The following PDZD4 variants were observed in gnomAD, a reference collection of about 807,000 sequenced individuals.
The protein encoded by PDZD4 is PDZ domain-containing protein 4.
A neutral mutation model predicts 38.5 loss-of-function variants in PDZD4; 9 were observed. That is an observed-to-expected ratio of 0.23 (90% CI 0.14 to 0.41). PDZD4 has a LOEUF of 0.41. PDZD4 is among the 10% of genes least tolerant of loss of function. The probability of loss-of-function intolerance (pLI) is 1.00; values close to 1 mark genes in which losing one functional copy is unlikely to be tolerated. For synonymous variants in PDZD4, 349 were observed against 315.7 expected, an observed-to-expected ratio of 1.11 and a Z score of -1.12; for missense variants, 612 against 722.0, an observed-to-expected ratio of 0.85 and a Z score of 1.75.
At chrX:153,810,986 T>G (rs1308157638) in intron 1 of PDZD4, among the ~76,000 whole-genome samples, 1 of 112,607 alleles carries the variant, frequency 8.9e-6, no homozygotes, top group Non-Finnish European at 1.9e-5. Flanking sequence ...GGGGCTTTTT[T>G]TTGTTGAGAT....
Position 153,804,442 on chromosome X carries a change from C to T in PDZD4, c.1239G>A (p.Arg413=), listed in dbSNP as rs782193255. 9.9e-6 allele frequency: 12 copies of T among 1,208,740 alleles called. No homozygotes were observed. In the East Asian group the frequency reaches 3.0e-4, roughly 30 times the overall value. The change falls in exon 8 of 8, where the codon AGG becomes AGA. Residue 413 remains arginine (R), a synonymous_variant. Coordinates refer to ENST00000393758, the MANE Select transcript of PDZD4 (RefSeq NM_001303512.2). ...HEMAMLEEEL[R]HLEFKCRNIL... ...TGTTGCGGCACTTGAATTCCAGGTG[C>T]CTTAGCTCCTCCTCCAGCATGGCCA... is the stretch of plus-strand genomic sequence containing the variant.
chrX:153,807,466 G>C (rs1463744564), intron 2 of PDZD4, 97 bp from the exon 3 acceptor site: 12 of 874,859 alleles, frequency 1.4e-5, no homozygotes, highest in Non-Finnish European at 1.9e-5. Flanking sequence ...CTGGCACGGA[G>C]GCCTGCTCTG....
chrX:153,830,347 T>G lies in PDZD4; in HGVS notation c.-49A>C. 1 of 1,139,313 alleles carries G rather than the reference T, an allele frequency of 8.8e-7. No homozygotes were observed. Among genetic ancestry groups the G allele is most frequent in the Non-Finnish European group, 1.2e-6 (1 of 838,188 alleles). The allele number at this position is 1,139,313 out of a possible 1,213,427, so 93.9% of individuals were successfully genotyped here. ...GGAGGGCGGGAACGGGAAGACGCCT[T>G]TCACTGACCCGGGCGCGGGACCTCG... is the stretch of plus-strand genomic sequence containing the variant. On this transcript the variant is annotated 5_prime_UTR_variant, in exon 1 of 8. Transcript: ENST00000393758.
intron 5 of PDZD4, 95 bp from the exon 6 acceptor site, chrX:153,805,701 C>A: frequency 1.5e-6 from 1 of 649,303 alleles, no homozygotes; most frequent in Non-Finnish European, 2.5e-6. Flanking sequence ...CTGGGCTCGG[C>A]TGGGCTAGGC....
intron 1 of PDZD4, among the ~76,000 whole-genome samples, chrX:153,822,183 T>A: frequency 2.9e-5 from 1 of 34,902 alleles, no homozygotes; most frequent in South Asian, 1.8e-3. Context: ...CAAGACTCTG[T>A]CTCAAAAAAA....
At chrX:153,805,066 C>G (rs367636463) in intron 7 of PDZD4, 31 bp downstream of exon 7, 115 of 1,186,585 alleles carry the variant, frequency 9.7e-5, no homozygotes, top group Non-Finnish European at 1.3e-4. Flanking sequence ...TCCTCCTCGC[C>G]CTCCCCACCA....
intron 2 of PDZD4, 125 bp from the exon 3 acceptor site, chrX:153,807,494 G>A (rs1222523824): frequency 4.2e-6 from 3 of 713,534 alleles, no homozygotes; most frequent in Non-Finnish European, 6.2e-6. Flanking sequence ...TCTCAAGGGT[G>A]GGTGGCCCAG....
Position 153,804,217 on chromosome X carries a change from C to T in PDZD4, c.1464G>A (p.Leu488=). The T allele has an allele frequency of 8.3e-7, 1 of 1,204,785 alleles. No homozygotes were observed. Among genetic ancestry groups the T allele is most frequent in the Non-Finnish European group, 1.1e-6 (1 of 892,481 alleles). Residue 488 remains leucine (L), a synonymous_variant, in exon 8 of 8, where the codon CTG becomes CTA. Transcript: ENST00000393758. ...GGCTCTCGGGCAGGGGCTCCACAAGCAGCGGGGTGCTGCGGCAGCTCTCCC... is the reference window on the plus strand; with the variant it reads ...GGCTCTCGGGCAGGGGCTCCACAAGTAGCGGGGTGCTGCGGCAGCTCTCCC... ...NTGESCRSTP[L]LVEPLPESPL...
chrX:153,811,637 C>T (rs1216762690), intron 1 of PDZD4, among the ~76,000 whole-genome samples: 3 of 112,620 alleles, frequency 2.7e-5, no homozygotes, highest in African/African-American at 9.7e-5. Flanking sequence ...ATACTTAAAT[C>T]TTTGTGTAAC....
chrX:153,811,293 C>T (rs916924286), intron 1 of PDZD4, among the ~76,000 whole-genome samples: 4 of 111,825 alleles, frequency 3.6e-5, no homozygotes, highest in Non-Finnish European at 5.6e-5. Context: ...CCCACCACCA[C>T]GCCTGGATAA....
At chrX:153,814,110 G>A (rs1367899801) in intron 1 of PDZD4, among the ~76,000 whole-genome samples, 3 of 110,685 alleles carry the variant, frequency 2.7e-5, no homozygotes, top group African/African-American at 9.9e-5. Context: ...CATCTGCTTA[G>A]TCCCCCCAAA....
intron 1 of PDZD4, among the ~76,000 whole-genome samples, chrX:153,826,108 A>G (rs1468179928): frequency 1.9e-5 from 2 of 107,660 alleles, no homozygotes; most frequent in African/African-American, 6.8e-5. Context: ...TCCTAGCTAC[A>G]TGGGAAGCTG....
intron 1 of PDZD4, among the ~76,000 whole-genome samples, chrX:153,809,821 G>C (rs1180947112): frequency 8.8e-6 from 1 of 113,032 alleles, no homozygotes; most frequent in Non-Finnish European, 1.9e-5. Flanking sequence ...GGGAGGAGGA[G>C]GCCATCGCGG....
At chrX:153,813,238 T>G (rs1197067921) in intron 1 of PDZD4, among the ~76,000 whole-genome samples, 1 of 112,196 alleles carries the variant, frequency 8.9e-6, no homozygotes, top group Admixed American at 9.5e-5. Flanking sequence ...AGGAGAGCCT[T>G]ACAATGCATG....
intron 1 of PDZD4, among the ~76,000 whole-genome samples, chrX:153,816,432 G>A (rs2064363030): frequency 9.2e-6 from 1 of 109,024 alleles, no homozygotes; most frequent in African/African-American, 3.3e-5. Flanking sequence ...GGATTCTGTG[G>A]GCCGAGGACA....
In PDZD4 at chrX:153,806,646, C is replaced by T. The variant is rs782243041; in HGVS notation, c.504+96G>A. On this transcript the variant is annotated intron_variant, in intron 4 of 7. Transcript: ENST00000393758. ...ACCACGCAGCACCCTAGCTGTGATG[C>T]CCTGTTTCTGGTAGCTGGGACCTTA... 1.7e-5 allele frequency: 13 copies of T among 779,191 alleles called. No individual in the cohort carries two copies. In the South Asian group the frequency reaches 2.4e-4, roughly 15 times the overall value. 64.2% of individuals were successfully genotyped at this position (779,191 alleles called of 1,213,427 possible).
chrX:153,809,128 AGG>A (rs1480166747), intron 1 of PDZD4, among the ~76,000 whole-genome samples: 1 of 112,533 alleles, frequency 8.9e-6, no homozygotes, highest in Non-Finnish European at 1.9e-5. Flanking sequence ...CTCACTAGGG[AGG>A]GCCAGGGTCA....
intron 1 of PDZD4, among the ~76,000 whole-genome samples, chrX:153,820,716 C>T (rs1309855287): frequency 8.9e-6 from 1 of 111,825 alleles, no homozygotes; most frequent in African/African-American, 3.3e-5. Context: ...TTGCCTGATT[C>T]ATTCCCGCGG....
At chrX:153,809,981 C>T (rs2064293376) in intron 1 of PDZD4, among the ~76,000 whole-genome samples, 1 of 112,948 alleles carries the variant, frequency 8.9e-6, no homozygotes, top group East Asian at 2.8e-4. Context: ...AGGCTGCTTC[C>T]GCAGCACCCT....
Sources: allele counts gnomAD v4.1 joint callset (sites outside exome capture counted in the v4.1 genomes callset), GRCh38; gene constraint gnomAD v4.1.1; transcripts MANE v1.5; gene names NCBI Gene and HGNC (gene_info 2026-07-23, HGNC 2026-07-21).